The following SS18 variants were observed in gnomAD, a reference collection of about 807,000 sequenced individuals.
The protein encoded by SS18 is protein SSXT.
In SS18, 28 loss-of-function variants were observed where a neutral mutation model predicts 72.5. The ratio of observed to expected loss-of-function variants is 0.39; its 90% CI spans 0.29 to 0.53. SS18 has a LOEUF of 0.53. Ranked by LOEUF, SS18 falls within the 20% of genes least tolerant of loss-of-function variation. The pLI is 0.76. For missense variants in SS18, 518 were observed against 535.3 expected, an observed-to-expected ratio of 0.97 and a Z score of 0.32; for synonymous variants, 172 against 164.2, an observed-to-expected ratio of 1.05 and a Z score of -0.37.
In SS18 at chr18:26,035,816, A is replaced by G; in HGVS notation, c.973+15T>C. 1 of 1,538,906 alleles carries G rather than the reference A, an allele frequency of 6.5e-7. No homozygotes were observed. The highest frequency in any genetic ancestry group is 8.9e-7 in the Non-Finnish European group (1 of 1,121,140). On this transcript the variant is annotated intron_variant, in intron 8 of 10. Coordinates refer to ENST00000415083, the MANE Select transcript of SS18 (RefSeq NM_001007559.3). The surrounding 1 kb of genome is among the most constrained non-coding windows in gnomAD (Gnocchi z 4.4). ...GGGGATATATATGTGTATGTGTGTG[A>G]AGGTATATAGATACCTCCTTCGTAG... is the stretch of plus-strand genomic sequence containing the variant.
intron 4 of SS18, among the ~76,000 whole-genome samples, chr18:26,055,547 G>A (rs1363968430): frequency 6.6e-6 from 1 of 152,090 alleles, no homozygotes; most frequent in African/African-American, 2.4e-5. Context: ...GAGAACATAA[G>A]TAGCTCTAAA....
intron 3 of SS18, among the ~76,000 whole-genome samples, chr18:26,068,936 G>A (rs1454169320): frequency 1.3e-5 from 2 of 151,988 alleles, no homozygotes; most frequent in South Asian, 4.2e-4. Flanking sequence ...TATTTCAAAC[G>A]CAGTACTCAC....
intron 5 of SS18, among the ~76,000 whole-genome samples, chr18:26,049,362 T>A (rs539540755): frequency 6.6e-6 from 1 of 152,208 alleles, no homozygotes; most frequent in African/African-American, 2.4e-5. Context: ...AGATTTTGTG[T>A]GTCCATCCTC....
intron 10 of SS18, among the ~76,000 whole-genome samples, chr18:26,023,434 T>C (rs1329110264): frequency 4.6e-5 from 7 of 151,962 alleles, no homozygotes; most frequent in East Asian, 1.9e-4. Flanking sequence ...TCAAAACAAT[T>C]TGGGCAAGAG....
At chr18:26,065,752 A>G (rs1300484116) in intron 3 of SS18, among the ~76,000 whole-genome samples, 3 of 140,222 alleles carry the variant, frequency 2.1e-5, no homozygotes, top group Non-Finnish European at 4.6e-5. Flanking sequence ...CAATATATAT[A>G]GCCAACAAAA....
At chr18:26,039,980 A>G (rs2053696490) in intron 5 of SS18, among the ~76,000 whole-genome samples, 1 of 152,252 alleles carries the variant, frequency 6.6e-6, no homozygotes, top group African/African-American at 2.4e-5. Flanking sequence ...AACACCGAAT[A>G]TAATTTCATA....
At chr18:26,073,713 T>C (rs1598602400) in intron 3 of SS18, among the ~76,000 whole-genome samples, 2 of 152,226 alleles carry the variant, frequency 1.3e-5, no homozygotes, top group African/African-American at 4.8e-5. Flanking sequence ...AAAAATTATT[T>C]TGTAAATTCT....
chr18:26,035,893 G>A lies in SS18; in HGVS notation c.911C>T (p.Ser304Leu), dbSNP rs745407303. ...CCTATCGTAGCCTTGTTCAGGATAC[G>A]ACGGTTGCTGATAACCGTAATCATT... ...GHNDYGYQQP[S>L]YPEQGYDRPY... Residue 304 changes from serine to leucine, a missense_variant, in exon 8 of 11, where the codon TCG (serine) becomes TTG (leucine). Coordinates refer to ENST00000415083, the MANE Select transcript of SS18 (RefSeq NM_001007559.3). This position sits in a 1 kb window ranked among gnomAD's most constrained non-coding sequence, Gnocchi z 4.4. 4.4e-6 allele frequency: 7 copies of A among 1,601,146 alleles called. No individual in the cohort carries two copies. Among genetic ancestry groups the A allele is most frequent in the Admixed American group, 3.4e-5 (2 of 59,082 alleles).
At position 26,038,584 on chromosome 18, in the gene SS18, TCTGGAGGAC is replaced by T. The variant is rs1449195730; in HGVS notation, c.842_850del (p.Gly281_Pro283del). 6.2e-7 allele frequency: 1 copy of T among 1,613,548 alleles called. No individual in the cohort carries two copies. The highest frequency in any genetic ancestry group is 1.7e-5 in the Admixed American group (1 of 60,002). The stretch of plus-strand genomic sequence containing the variant: ...AGGGTAATATTGCTGGTTCATGCCT[TCTGGAGGAC>T]CTTGTCCACCATGACTGTATTGGTC... On this transcript the variant is annotated inframe_deletion, in exon 7 of 11. Coordinates refer to ENST00000415083, the MANE Select transcript of SS18 (RefSeq NM_001007559.3).
At chr18:26,038,808 A>G (rs2143880367) in intron 6 of SS18, 149 bp from the exon 7 acceptor site, 1 of 648,128 alleles carries the variant, frequency 1.5e-6, no homozygotes, top group East Asian at 2.8e-5. Context: ...AGCTATTCAT[A>G]TACATATGCA....
At chr18:26,032,580 T>C in intron 9 of SS18, 48 bp from the exon 10 acceptor site, 1 of 1,600,384 alleles carries the variant, frequency 6.2e-7, no homozygotes, top group Non-Finnish European at 8.5e-7. Flanking sequence ...GGTAAGTCCC[T>C]AGAACTCAGG....
chr18:26,070,149 TATAAAA>T (rs2054288644), intron 3 of SS18, among the ~76,000 whole-genome samples: 1 of 152,138 alleles, frequency 6.6e-6, no homozygotes. Flanking sequence ...CCCACAAACC[TATAAAA>T]ATAAATTAAA....
At chr18:26,069,477 T>C (rs2144094296) in intron 3 of SS18, among the ~76,000 whole-genome samples, 1 of 142,280 alleles carries the variant, frequency 7.0e-6, no homozygotes, top group East Asian at 2.0e-4. Flanking sequence ...TGAAATACTG[T>C]GACAGGTCTG....
intron 2 of SS18, among the ~76,000 whole-genome samples, chr18:26,082,131 A>T (rs1286718236): frequency 2.6e-5 from 4 of 152,184 alleles, no homozygotes; most frequent in Non-Finnish European, 2.9e-5. Context: ...AAGGGCTGTT[A>T]TAAAATATAT....
chr18:26,029,628 C>A (rs2053509873), intron 10 of SS18, among the ~76,000 whole-genome samples: 2 of 152,164 alleles, frequency 1.3e-5, no homozygotes, highest in South Asian at 4.1e-4. Context: ...CCACTGTTTA[C>A]TGGATAGCAA....
chr18:26,038,081 A>G (rs1178444691), intron 7 of SS18, among the ~76,000 whole-genome samples: 1 of 152,154 alleles, frequency 6.6e-6, no homozygotes, highest in Non-Finnish European at 1.5e-5. Context: ...ACTAATGTAA[A>G]CCTTAGTTTG....
chr18:26,062,596 C>T (rs1196066091), intron 3 of SS18, among the ~76,000 whole-genome samples: 1 of 152,028 alleles, frequency 6.6e-6, no homozygotes, highest in East Asian at 1.9e-4. Flanking sequence ...AATTAAATAA[C>T]AAATACATTA....
At chr18:26,069,931 T>C (rs1324547039) in intron 3 of SS18, among the ~76,000 whole-genome samples, 1 of 152,224 alleles carries the variant, frequency 6.6e-6, no homozygotes, top group Non-Finnish European at 1.5e-5. Flanking sequence ...ATGCCATTTC[T>C]TCAAAGTATG....
At chr18:26,086,462 T>C (rs1423211581) in intron 2 of SS18, among the ~76,000 whole-genome samples, 1 of 152,240 alleles carries the variant, frequency 6.6e-6, no homozygotes, top group Non-Finnish European at 1.5e-5. Flanking sequence ...GCTAATTGTA[T>C]ATTGAAATGA....
Sources: gnomAD v4.1 joint callset for allele counts (sites outside exome capture counted in the v4.1 genomes callset) on GRCh38, gnomAD v4.1.1 for gene constraint, Gnocchi (gnomAD v3.1) non-coding constraint, MANE v1.5 for transcripts, NCBI Gene and HGNC (gene_info 2026-07-23, HGNC 2026-07-21) for gene names.